CNTNAP2: variants seen among roughly 807,000 people sequenced by gnomAD.
CNTNAP2 encodes contactin associated protein 2.
In CNTNAP2, 98 loss-of-function variants were observed where a neutral mutation model predicts 155.2. The observed-to-expected ratio is 0.63, with a 90% confidence interval of 0.54 to 0.75. CNTNAP2 has a LOEUF of 0.75. CNTNAP2 is among the 30% of genes least tolerant of loss of function. CNTNAP2 has a pLI of 0.00. For synonymous variants in CNTNAP2, 651 were observed against 631.2 expected (o/e 1.03, Z -0.47); for missense variants, 1,727 against 1,688.1 (o/e 1.02, Z -0.40).
chr7:148,065,271 G>C (rs2116519441), intron 15 of CNTNAP2, among the ~76,000 whole-genome samples: 1 of 152,274 alleles, frequency 6.6e-6, no homozygotes, highest in African/African-American at 2.4e-5. Context: ...TTCTGTGGTT[G>C]TTGGGTGGAA....
At chr7:147,784,379 AACATATAT>A (rs1797701572) in intron 13 of CNTNAP2, among the ~76,000 whole-genome samples, 1 of 77,082 alleles carries the variant, frequency 1.3e-5, no homozygotes, top group South Asian at 4.3e-4. Flanking sequence ...ACAAACTAAA[AACATATAT>A]ATATATATAT....
chr7:147,920,562 A>G (rs576985734), intron 14 of CNTNAP2, among the ~76,000 whole-genome samples: 137 of 152,166 alleles, frequency 9.0e-4, no homozygotes, highest in Non-Finnish European at 1.5e-3. Context: ...CAAGTAGATG[A>G]TTATATAGCA....
chr7:148,348,015 C>T (rs1798357958), intron 21 of CNTNAP2, among the ~76,000 whole-genome samples: 1 of 152,186 alleles, frequency 6.6e-6, no homozygotes, highest in Non-Finnish European at 1.5e-5. Context: ...CTCTCTCTTA[C>T]GTTTTCTTGC....
At chr7:146,725,452 T>C (rs1476945465) in intron 1 of CNTNAP2, among the ~76,000 whole-genome samples, 1 of 152,160 alleles carries the variant, frequency 6.6e-6, no homozygotes, top group African/African-American at 2.4e-5. Context: ...ATATTTAGTT[T>C]ATAGTTAAAT....
chr7:147,159,403 TAAAATA>T (rs1801984961), intron 8 of CNTNAP2, among the ~76,000 whole-genome samples: 1 of 152,090 alleles, frequency 6.6e-6, no homozygotes, highest in African/African-American at 2.4e-5. Flanking sequence ...AGAGTTGAAC[TAAAATA>T]AAATTAGGTG....
At chr7:148,404,298 C>A (rs922791317) in intron 22 of CNTNAP2, among the ~76,000 whole-genome samples, 12 of 152,212 alleles carry the variant, frequency 7.9e-5, no homozygotes, top group African/African-American at 2.9e-4. Context: ...TAAGATTATT[C>A]CCATTGAGAA....
At chr7:146,770,317 TAC>T (rs60507060) in intron 1 of CNTNAP2, among the ~76,000 whole-genome samples, 12,632 of 143,460 alleles carry the variant, frequency 0.088, 692 homozygotes, top group African/African-American at 0.15. Context: ...TGTGTGTGTA[TAC>T]ACACACACAC....
Position 146,381,819 on chromosome 7 carries a change from A to G in CNTNAP2, c.97+264846A>G, listed in dbSNP as rs562082602. Among the ~76,000 whole-genome samples the G allele has an allele frequency of 2.0e-5, 3 of 152,152 alleles. No individual in the cohort carries two copies. In the South Asian group the frequency reaches 6.2e-4, roughly 32 times the overall value. The stretch of plus-strand genomic sequence containing the variant: ...AAAGAAGGAGGGAAACACAAATACA[A>G]TCGTATTTTTTTACTGCTGGTCCGC... On this transcript the variant is annotated intron_variant, in intron 1 of 23. Transcript: ENST00000361727.
At chr7:146,561,683 A>C (rs1798281795) in intron 1 of CNTNAP2, among the ~76,000 whole-genome samples, 1 of 152,172 alleles carries the variant, frequency 6.6e-6, no homozygotes, top group South Asian at 2.1e-4. Flanking sequence ...GAAACTCCAC[A>C]AAATCACAAT....
chr7:147,770,791 T>C (rs1372029517), intron 13 of CNTNAP2, among the ~76,000 whole-genome samples: 1 of 152,168 alleles, frequency 6.6e-6, no homozygotes, highest in Non-Finnish European at 1.5e-5. Context: ...AATTGATCTG[T>C]AGAGTAAATG....
At position 147,121,223 on chromosome 7, in the gene CNTNAP2, T is replaced by C. The variant is rs553722732; in HGVS notation, c.939+60T>C. On this transcript the variant is annotated intron_variant, in intron 6 of 23. Transcript: ENST00000361727. ...TCAAGCAATTGTGTCACTCTCCTAC[T>C]GTATTGTATTATTGTTAATTATATT... The C allele has an allele frequency of 1.7e-5, 26 of 1,509,518 alleles. No homozygotes were observed. The Middle Eastern group carries it at 7.3e-4, about 42-fold the overall frequency. The allele number at this position is 1,509,518 out of a possible 1,614,324, so 93.5% of individuals were successfully genotyped here.
chr7:146,133,322 C>A (rs1797745729), intron 1 of CNTNAP2, among the ~76,000 whole-genome samples: 1 of 151,724 alleles, frequency 6.6e-6, no homozygotes, highest in South Asian at 2.1e-4. Flanking sequence ...AGCCCTTTGT[C>A]AGATGAGTAG....
intron 3 of CNTNAP2, among the ~76,000 whole-genome samples, chr7:147,002,074 T>A: frequency 1.3e-5 from 2 of 151,960 alleles, no homozygotes; most frequent in Middle Eastern, 6.8e-3. Flanking sequence ...TAGAAATATA[T>A]AATAGGTAGG....
chr7:147,127,108 C>T (rs1181807798), intron 6 of CNTNAP2, among the ~76,000 whole-genome samples: 6 of 152,228 alleles, frequency 3.9e-5, no homozygotes, highest in African/African-American at 7.2e-5. Flanking sequence ...AAACAGGAGA[C>T]GTAGTACTCC....
At chr7:146,671,429 T>TCACACACACACA (rs147594471) in intron 1 of CNTNAP2, among the ~76,000 whole-genome samples, 72,340 of 148,178 alleles carry the variant, frequency 0.49, 20,890 homozygotes, top group South Asian at 0.71. Flanking sequence ...TTTTTGTCAC[T>TCACACACACACA]CACACACACA....
chr7:146,985,151 A>C (rs1304125243), intron 3 of CNTNAP2, among the ~76,000 whole-genome samples: 2 of 152,122 alleles, frequency 1.3e-5, no homozygotes, highest in East Asian at 3.9e-4. Flanking sequence ...GAGAATGTAC[A>C]CCTAGGAGTC....
intron 1 of CNTNAP2, among the ~76,000 whole-genome samples, chr7:146,647,270 C>T (rs1458901520): frequency 6.6e-6 from 1 of 152,078 alleles, no homozygotes; most frequent in Non-Finnish European, 1.5e-5. Context: ...AGCTCCTTTC[C>T]TCACCCCATT....
intron 9 of CNTNAP2, among the ~76,000 whole-genome samples, chr7:147,376,696 G>A (rs1796439630): frequency 6.6e-6 from 1 of 151,774 alleles, no homozygotes; most frequent in Non-Finnish European, 1.5e-5. Flanking sequence ...ATAATACTAT[G>A]AGATACAAAC....
intron 1 of CNTNAP2, among the ~76,000 whole-genome samples, chr7:146,174,903 T>C (rs187386394): frequency 1.3e-5 from 2 of 152,214 alleles, no homozygotes; most frequent in Admixed American, 1.3e-4. Context: ...ATAAATTACA[T>C]ATTTCCTGGA....
Sources: gnomAD v4.1 joint callset for allele counts (sites outside exome capture counted in the v4.1 genomes callset) on GRCh38, gnomAD v4.1.1 for gene constraint, MANE v1.5 for transcripts, NCBI Gene and HGNC (gene_info 2026-07-23, HGNC 2026-07-21) for gene names.